The following SMG6 variants were observed in gnomAD, a reference collection of about 807,000 sequenced individuals.
SMG6 encodes the protein SMG6 nonsense mediated mRNA decay factor.
A neutral mutation model predicts 142.2 loss-of-function variants in SMG6; 66 were observed. That is an observed-to-expected ratio of 0.46 (90% CI 0.38 to 0.57). The LOEUF (loss-of-function observed/expected upper bound fraction) is 0.57, where lower values mean the gene tolerates loss of function less well. Ranked by LOEUF, SMG6 falls within the 20% of genes least tolerant of loss-of-function variation. The probability of loss-of-function intolerance (pLI) is 0.00; values close to 1 mark genes in which losing one functional copy is unlikely to be tolerated. For missense variants in SMG6, 1,793 were observed against 1,832.0 expected (o/e 0.98, Z 0.39); for synonymous variants, 779 against 702.4 (o/e 1.11, Z -1.72).
At chr17:2,195,124 G>A (rs2072284738) in intron 10 of SMG6, among the ~76,000 whole-genome samples, 1 of 152,212 alleles carries the variant, frequency 6.6e-6, no homozygotes, top group East Asian at 1.9e-4. Context: ...ATTCTTGTAC[G>A]AGTACAGCTC....
At chr17:2,080,763 G>A (rs2068397458) in intron 15 of SMG6, among the ~76,000 whole-genome samples, 1 of 151,912 alleles carries the variant, frequency 6.6e-6, no homozygotes, top group Admixed American at 6.5e-5. Context: ...AGCCTCCTGA[G>A]TAGCTGGGAT....
intron 4 of SMG6, among the ~76,000 whole-genome samples, chr17:2,296,838 T>C (rs188708143): frequency 4.2e-4 from 63 of 151,476 alleles, no homozygotes; most frequent in Non-Finnish European, 4.7e-4. Context: ...CTACAAAACA[T>C]AGAAAAATTA....
intron 10 of SMG6, among the ~76,000 whole-genome samples, chr17:2,207,624 T>G (rs1046624733): frequency 6.6e-6 from 1 of 152,112 alleles, no homozygotes; most frequent in Admixed American, 6.6e-5. Context: ...ATTAAATATA[T>G]ACATATATAA....
intron 12 of SMG6, among the ~76,000 whole-genome samples, chr17:2,184,301 T>C (rs1165250684): frequency 6.7e-6 from 1 of 148,776 alleles, no homozygotes; most frequent in African/African-American, 2.5e-5. Flanking sequence ...AGGCAGAGGC[T>C]ACAGTGAACT....
intron 15 of SMG6, among the ~76,000 whole-genome samples, chr17:2,078,095 G>A (rs977829983): frequency 2.0e-5 from 3 of 152,134 alleles, no homozygotes; most frequent in Admixed American, 2.0e-4. Flanking sequence ...CAGTGAATAG[G>A]AGCCTGGTGG....
rs967954275 is a variant in SMG6 at position 2,234,529 on chromosome 17, C to T, written c.2869+1963G>A. 1.7e-4 allele frequency among the ~76,000 whole-genome samples: 26 copies of T among 152,270 alleles called. 1 individual carries two copies. Among genetic ancestry groups the T allele is most frequent in the African/African-American group, 6.0e-4 (25 of 41,558 alleles). On this transcript the variant is annotated intron_variant, in intron 10 of 18. Coordinates refer to ENST00000263073, the MANE Select transcript of SMG6 (RefSeq NM_017575.5). The stretch of plus-strand genomic sequence containing the variant: ...CTGCCTGCCTTGGCCTCCCAAAGCG[C>T]TGGGATTACAGGCGTGAGCCACCGC...
At chr17:2,174,876 T>C (rs1267111982) in intron 12 of SMG6, among the ~76,000 whole-genome samples, 1 of 152,184 alleles carries the variant, frequency 6.6e-6, no homozygotes, top group South Asian at 2.1e-4. Context: ...CTACCAGCTG[T>C]AGAATAAACA....
intron 12 of SMG6, among the ~76,000 whole-genome samples, chr17:2,174,180 C>T (rs2071591312): frequency 1.3e-5 from 2 of 152,286 alleles, no homozygotes; most frequent in South Asian, 4.1e-4. Flanking sequence ...GGGAGGATCA[C>T]TTGAGGCCAG....
intron 10 of SMG6, among the ~76,000 whole-genome samples, chr17:2,193,933 C>A (rs751481546): frequency 6.6e-6 from 1 of 152,170 alleles, no homozygotes; most frequent in African/African-American, 2.4e-5. Flanking sequence ...TGGGTTCAAG[C>A]GATTCTTCCG....
Position 2,186,680 on chromosome 17 carries a change from G to A in SMG6, c.3138C>T (p.Ser1046=). Residue 1046 remains serine, a synonymous_variant, in exon 12 of 19, where the codon TCC becomes TCT. Transcript: ENST00000263073. The stretch of plus-strand genomic sequence containing the variant: ...CAACTCACTGCGAGGGCAGATCCAG[G>A]GATGTGGGAGGAGGATTCCAGGTGT... The part of the protein sequence containing the change: ...YPDTWNPPPT[S]LDLPSHVAVD... 6.2e-7 allele frequency: 1 copy of A among 1,614,228 alleles called. No individual in the cohort carries two copies. Among genetic ancestry groups the A allele is most frequent in the Non-Finnish European group, 8.5e-7 (1 of 1,180,030 alleles).
intron 1 of SMG6, among the ~76,000 whole-genome samples, chr17:2,301,603 G>T (rs527349664): frequency 2.0e-4 from 31 of 152,322 alleles, no homozygotes; most frequent in African/African-American, 7.5e-4. Context: ...AGCACTTTGG[G>T]AGGCCGTGGT....
At chr17:2,276,877 G>T (rs2074661412) in intron 8 of SMG6, among the ~76,000 whole-genome samples, 1 of 151,958 alleles carries the variant, frequency 6.6e-6, no homozygotes, top group South Asian at 2.1e-4. Flanking sequence ...CACCTCCCGG[G>T]TTCAAGTGAT....
intron 11 of SMG6, among the ~76,000 whole-genome samples, chr17:2,188,176 G>T (rs527596683): frequency 6.6e-6 from 1 of 152,200 alleles, no homozygotes; most frequent in Non-Finnish European, 1.5e-5. Flanking sequence ...GGAGAAAAGA[G>T]AGAGGAAAGG....
intron 10 of SMG6, among the ~76,000 whole-genome samples, chr17:2,227,563 G>C (rs373241921): frequency 6.6e-6 from 1 of 152,162 alleles, no homozygotes; most frequent in Non-Finnish European, 1.5e-5. Flanking sequence ...ATAAGCAGTC[G>C]CCTAGGGCAA....
intron 15 of SMG6, among the ~76,000 whole-genome samples, chr17:2,070,736 G>A (rs985214609): frequency 1.1e-4 from 17 of 152,164 alleles, no homozygotes; most frequent in Admixed American, 1.3e-4. Flanking sequence ...TCAGGGGCCC[G>A]CTCTGCTGAA....
intron 13 of SMG6, among the ~76,000 whole-genome samples, chr17:2,132,795 G>A (rs1443675342): frequency 3.9e-5 from 6 of 152,286 alleles, no homozygotes; most frequent in Non-Finnish European, 8.8e-5. Context: ...TAAATATACT[G>A]CCTTTTGTTG....
intron 10 of SMG6, among the ~76,000 whole-genome samples, chr17:2,198,813 A>G (rs1214358118): frequency 6.6e-6 from 1 of 152,074 alleles, no homozygotes; most frequent in African/African-American, 2.4e-5. Flanking sequence ...GTAGCTGATT[A>G]CCCTGTCCAG....
chr17:2,069,917 CTTT>C (rs1195287826), intron 15 of SMG6, among the ~76,000 whole-genome samples: 1 of 152,216 alleles, frequency 6.6e-6, no homozygotes, highest in Non-Finnish European at 1.5e-5. Context: ...GACTTTGTCA[CTTT>C]TTTTCTTAGC....
chr17:2,156,586 T>C (rs1013760452), intron 13 of SMG6, among the ~76,000 whole-genome samples: 1 of 152,074 alleles, frequency 6.6e-6, no homozygotes, highest in Non-Finnish European at 1.5e-5. Context: ...GCATCCCTTA[T>C]GAGCATTTAC....
Sources: allele counts gnomAD v4.1 joint callset (sites outside exome capture counted in the v4.1 genomes callset), GRCh38; gene constraint gnomAD v4.1.1; transcripts MANE v1.5; gene names NCBI Gene and HGNC (gene_info 2026-07-23, HGNC 2026-07-21).